The following NOX4 variants were observed in gnomAD, a reference collection of about 807,000 sequenced individuals.
NOX4 encodes the protein kidney oxidase-1.
In NOX4, 69 loss-of-function variants were observed where a neutral mutation model predicts 87.6. The ratio of observed to expected loss-of-function variants is 0.79; its 90% CI spans 0.65 to 0.96. NOX4 has a LOEUF of 0.96. Among genes scored for constraint, NOX4 ranks in the 40% least tolerant of loss-of-function variants. NOX4 has a pLI of 0.00. For synonymous variants in NOX4, 275 were observed against 238.2 expected (o/e 1.15, Z -1.42); for missense variants, 680 against 681.5 (o/e 1.00, Z 0.02).
the NOX4 span, among the ~76,000 whole-genome samples, chr11:89,561,050 C>CATATATATATAT: frequency 0.018 from 521 of 28,518 alleles, 31 homozygotes; most frequent in Non-Finnish European, 0.022. Flanking sequence ...ATATATCATA[C>CATATATATATAT]ATATATATAT....
the NOX4 span, among the ~76,000 whole-genome samples, chr11:89,508,864 T>C: frequency 9.2e-5 from 14 of 152,114 alleles, no homozygotes; most frequent in African/African-American, 2.9e-4. Flanking sequence ...GTGACGGAGT[T>C]GTTATTTAAA....
rs183314025 is a variant in NOX4, at chr11:89,397,073, G to C, written c.1074+2944C>G. ...AATTGACCACATAGCTGGAAGTAAA[G>C]CACTCCTCAGGAAATGTATAAGAAG... On this transcript the variant is annotated intron_variant, in intron 11 of 17. Transcript: ENST00000263317. 1.1e-4 allele frequency among the ~76,000 whole-genome samples: 16 copies of C among 152,212 alleles called. No individual in the cohort carries two copies. In the East Asian group the frequency reaches 3.1e-3, roughly 29 times the overall value.
chr11:89,480,754 T>C (rs944000625), intron 2 of NOX4, among the ~76,000 whole-genome samples: 1 of 152,094 alleles, frequency 6.6e-6, no homozygotes, highest in Admixed American at 6.6e-5. Context: ...CATGAAAAGA[T>C]TGCAATGAAA....
At chr11:89,358,444 A>G (rs1938256846) in intron 12 of NOX4, among the ~76,000 whole-genome samples, 1 of 150,676 alleles carries the variant, frequency 6.6e-6, no homozygotes, top group East Asian at 1.9e-4. Flanking sequence ...ATATACATAA[A>G]CAGAAAGTAA....
chr11:89,340,269 C>G (rs1945923042), intron 14 of NOX4, 98 bp from the exon 15 acceptor site: 6 of 754,688 alleles, frequency 8.0e-6, no homozygotes, highest in African/African-American at 1.8e-5. Flanking sequence ...TAGTAAGCAA[C>G]CAATAGAAAT....
intron 12 of NOX4, among the ~76,000 whole-genome samples, chr11:89,355,439 T>C (rs1228250240): frequency 6.7e-6 from 1 of 149,168 alleles, no homozygotes; most frequent in African/African-American, 2.4e-5. Flanking sequence ...TTCTCATATA[T>C]AAATATAAAA....
chr11:89,489,971 T>A (rs1200804630), intron 2 of NOX4, among the ~76,000 whole-genome samples: 1 of 152,186 alleles, frequency 6.6e-6, no homozygotes, highest in African/African-American at 2.4e-5. Flanking sequence ...CATCAGCCAC[T>A]AACCCAAAGC....
Position 89,440,705 on chromosome 11 carries a change from T to G in NOX4, c.458A>C (p.Lys153Thr), listed in dbSNP as rs1591262132. The change falls in exon 6 of 18, where the codon AAA becomes ACA. Residue 153 changes from lysine (K) to threonine (T), a missense_variant. Physicochemically the swap from Lys to Thr is moderately conservative, Grantham distance 78 (BLOSUM62 -1). Coordinates refer to ENST00000263317, the MANE Select transcript of NOX4 (RefSeq NM_016931.5). ...AARYRDEDPR[K>T]LLFTTVPGLT... ...CAACTTACCAGTTGTGAAGAGAAGT[T>G]TTCTAGGATCCTGAGAAAAAGAAAA... 6.5e-7 allele frequency: 1 copy of G among 1,544,232 alleles called. No individual in the cohort carries two copies. Among genetic ancestry groups the G allele is most frequent in the Admixed American group, 1.8e-5 (1 of 54,846 alleles).
At chr11:89,458,957 T>C (rs989310125) in intron 2 of NOX4, among the ~76,000 whole-genome samples, 1 of 152,162 alleles carries the variant, frequency 6.6e-6, no homozygotes, top group Non-Finnish European at 1.5e-5. Flanking sequence ...TGATTGAATA[T>C]ATACCCAAAG....
At chr11:89,508,262 G>A in the NOX4 span, among the ~76,000 whole-genome samples, 1 of 152,068 alleles carries the variant, frequency 6.6e-6, no homozygotes, top group East Asian at 1.9e-4. Context: ...CACTCAGGAT[G>A]TCTGTACTAC....
chr11:89,515,081 C>A, the NOX4 span, among the ~76,000 whole-genome samples: 3 of 151,974 alleles, frequency 2.0e-5, no homozygotes, highest in African/African-American at 7.2e-5. Context: ...TATGCATGTG[C>A]AAGCCTTTGT....
intron 2 of NOX4, among the ~76,000 whole-genome samples, chr11:89,456,595 T>C (rs1277673644): frequency 6.6e-6 from 1 of 152,126 alleles, no homozygotes; most frequent in Non-Finnish European, 1.5e-5. Context: ...TGCTGAGCAC[T>C]GGGGCTCGCT....
intron 11 of NOX4, among the ~76,000 whole-genome samples, chr11:89,385,125 A>T (rs536440830): frequency 3.9e-4 from 60 of 152,138 alleles, no homozygotes; most frequent in Non-Finnish European, 7.2e-4. Context: ...CAAAGTGACT[A>T]TGCATCAATA....
In NOX4 at chr11:89,324,484, G is replaced by A. The variant is rs1945145323; in HGVS notation, c.*2272C>T. 1 of 152,170 alleles carries A rather than the reference G, an allele frequency of 6.6e-6. No homozygotes were observed. The highest frequency in any genetic ancestry group is 2.1e-4 in the South Asian group (1 of 4,822). 9.4% of individuals were successfully genotyped at this position (152,170 alleles called of 1,614,324 possible). ...ACATGCAAGATGAAGCCCTGCAGAA[G>A]CAAAGATGACCTATGTTTAACATTT... On this transcript the variant is annotated 3_prime_UTR_variant, in exon 18 of 18. Coordinates refer to ENST00000263317, the MANE Select transcript of NOX4 (RefSeq NM_016931.5).
chr11:89,538,543 G>C, the NOX4 span, among the ~76,000 whole-genome samples: 1 of 152,142 alleles, frequency 6.6e-6, no homozygotes, highest in East Asian at 1.9e-4. Context: ...AGCAAAACTT[G>C]GAATTGAAAT....
intron 8 of NOX4, among the ~76,000 whole-genome samples, chr11:89,418,615 GA>G (rs914922988): frequency 6.6e-6 from 1 of 151,758 alleles, no homozygotes; most frequent in Non-Finnish European, 1.5e-5. Flanking sequence ...ATAGAATTTA[GA>G]AAAGTGGGCG....
At chr11:89,528,867 A>G in the NOX4 span, among the ~76,000 whole-genome samples, 11 of 152,326 alleles carry the variant, frequency 7.2e-5, no homozygotes, top group Non-Finnish European at 1.5e-4. Flanking sequence ...CAATTTATCT[A>G]TCTATCTTTA....
chr11:89,450,856 G>A (rs1256618292), intron 3 of NOX4, among the ~76,000 whole-genome samples: 1 of 151,702 alleles, frequency 6.6e-6, no homozygotes, highest in Non-Finnish European at 1.5e-5. Flanking sequence ...AGAAAATGTG[G>A]CACATATATG....
At chr11:89,367,203 T>C (rs143408781) in intron 12 of NOX4, among the ~76,000 whole-genome samples, 5,081 of 152,210 alleles carry the variant, frequency 0.033, 123 homozygotes, top group Non-Finnish European at 0.051. Flanking sequence ...TAAGATACAA[T>C]AGGTTAATCC....
Sources: gnomAD v4.1 joint callset for allele counts (sites outside exome capture counted in the v4.1 genomes callset) on GRCh38, gnomAD v4.1.1 for gene constraint, MANE v1.5 for transcripts, NCBI Gene and HGNC (gene_info 2026-07-23, HGNC 2026-07-21) for gene names.